SETBP1: variants seen among roughly 807,000 people sequenced by gnomAD.
SETBP1 encodes the protein SET-binding protein.
A neutral mutation model predicts 101.0 loss-of-function variants in SETBP1; 9 were observed. The ratio of observed to expected loss-of-function variants is 0.09; its 90% CI spans 0.05 to 0.16. SETBP1 has a LOEUF of 0.16. SETBP1 is among the 10% of genes least tolerant of loss of function. SETBP1 has a pLI of 1.00. For missense variants in SETBP1, 1,858 were observed against 2,033.8 expected (o/e 0.91, Z 1.66); for synonymous variants, 818 against 788.5 (o/e 1.04, Z -0.63).
At chr18:44,856,971 T>A (rs1306799102) in intron 2 of SETBP1, among the ~76,000 whole-genome samples, 1 of 152,236 alleles carries the variant, frequency 6.6e-6, no homozygotes, top group Non-Finnish European at 1.5e-5. Context: ...CCCTCACCTC[T>A]ACTTTCTAGA....
chr18:44,785,410 T>C (rs2071220411), intron 2 of SETBP1, among the ~76,000 whole-genome samples: 1 of 152,180 alleles, frequency 6.6e-6, no homozygotes, highest in Non-Finnish European at 1.5e-5. Flanking sequence ...ATTAGAACTT[T>C]TGGAGGGATG....
At chr18:44,723,224 TTCCTTTTATATGAGACAAAC>T (rs1332349356) in intron 2 of SETBP1, among the ~76,000 whole-genome samples, 1 of 152,210 alleles carries the variant, frequency 6.6e-6, no homozygotes, top group Non-Finnish European at 1.5e-5. Context: ...TTCCTCTCAC[TTCCTTTTATATGAGACAAAC>T]TCTGCCTATA....
intron 4 of SETBP1, among the ~76,000 whole-genome samples, chr18:44,983,293 T>G (rs1408472470): frequency 6.6e-6 from 1 of 152,230 alleles, no homozygotes; most frequent in Non-Finnish European, 1.5e-5. Context: ...TTTTCTGTTA[T>G]GGTCAAGTTC....
chr18:44,994,817 A>C (rs2072455610), intron 4 of SETBP1, among the ~76,000 whole-genome samples: 1 of 152,242 alleles, frequency 6.6e-6, no homozygotes, highest in Non-Finnish European at 1.5e-5. Context: ...ATGAAAAAAC[A>C]TACTATTCAG....
At chr18:44,906,898 T>TA (rs1368760296) in intron 3 of SETBP1, among the ~76,000 whole-genome samples, 2 of 152,240 alleles carry the variant, frequency 1.3e-5, no homozygotes, top group Non-Finnish European at 2.9e-5. Flanking sequence ...ATTCATCTTT[T>TA]AAAAAGATAC....
chr18:45,005,294 G>A (rs1236453297), intron 4 of SETBP1, among the ~76,000 whole-genome samples: 2 of 152,184 alleles, frequency 1.3e-5, no homozygotes, highest in Admixed American at 1.3e-4. Flanking sequence ...AGTGAAAGGA[G>A]ATACAGTCAT....
chr18:44,815,970 C>A (rs2071966114), intron 2 of SETBP1, among the ~76,000 whole-genome samples: 1 of 152,154 alleles, frequency 6.6e-6, no homozygotes, highest in African/African-American at 2.4e-5. Flanking sequence ...ATGAATGAGT[C>A]CTCTGTGACA....
At chr18:44,968,473 C>T (rs1373756141) in intron 4 of SETBP1, among the ~76,000 whole-genome samples, 2 of 152,098 alleles carry the variant, frequency 1.3e-5, no homozygotes, top group Non-Finnish European at 2.9e-5. Context: ...TGTGGACGAC[C>T]TGGGGGGAAG....
intron 2 of SETBP1, among the ~76,000 whole-genome samples, chr18:44,735,443 T>C (rs1341043895): frequency 2.0e-5 from 3 of 152,198 alleles, no homozygotes; most frequent in Non-Finnish European, 2.9e-5. Context: ...CTAGGTTCTT[T>C]GATTCTATTA....
intron 2 of SETBP1, among the ~76,000 whole-genome samples, chr18:44,759,373 A>G (rs935066961): frequency 6.6e-6 from 1 of 152,164 alleles, no homozygotes; most frequent in Non-Finnish European, 1.5e-5. Context: ...TCAACATGTA[A>G]AGCATAATCC....
intron 2 of SETBP1, among the ~76,000 whole-genome samples, chr18:44,785,192 C>G (rs2071214392): frequency 6.6e-6 from 1 of 152,124 alleles, no homozygotes; most frequent in Non-Finnish European, 1.5e-5. Context: ...TAAACAGTGA[C>G]AGGTGACAGG....
At chr18:44,847,839 T>C (rs1016301160) in intron 2 of SETBP1, among the ~76,000 whole-genome samples, 1 of 152,142 alleles carries the variant, frequency 6.6e-6, no homozygotes, top group Admixed American at 6.5e-5. Flanking sequence ...CAAGCTGATT[T>C]GGAGATTCTA....
At chr18:44,970,989 G>C (rs1486694739) in intron 4 of SETBP1, among the ~76,000 whole-genome samples, 1 of 151,872 alleles carries the variant, frequency 6.6e-6, no homozygotes, top group Non-Finnish European at 1.5e-5. Context: ...TTTAACATTA[G>C]GTATATCTCC....
At chr18:44,726,632 T>C (rs557717410) in intron 2 of SETBP1, among the ~76,000 whole-genome samples, 1 of 152,350 alleles carries the variant, frequency 6.6e-6, no homozygotes, top group South Asian at 2.1e-4. Flanking sequence ...TTAGAAGTCA[T>C]AAACTGTAAT....
At chr18:45,035,547 G>A (rs1350761878) in intron 4 of SETBP1, among the ~76,000 whole-genome samples, 1 of 152,222 alleles carries the variant, frequency 6.6e-6, no homozygotes, top group Non-Finnish European at 1.5e-5. Flanking sequence ...TGGATTGTGA[G>A]CATTTGCATA....
At chr18:44,961,937 A>G (rs1445189283) in intron 4 of SETBP1, among the ~76,000 whole-genome samples, 1 of 152,226 alleles carries the variant, frequency 6.6e-6, no homozygotes, top group East Asian at 1.9e-4. Context: ...CCTAACTGTC[A>G]GTCTTACAGA....
At chr18:44,775,023 C>T (rs893939593) in intron 2 of SETBP1, among the ~76,000 whole-genome samples, 6 of 150,442 alleles carry the variant, frequency 4.0e-5, no homozygotes, top group African/African-American at 1.2e-4. Context: ...TTTTAACTTT[C>T]TTGAAAATGC....
chr18:45,017,831 C>T lies in SETBP1; in HGVS notation c.4001-20654C>T, dbSNP rs564053150. ...ACTGCGTCCCTACCTCACTTTAGCA[C>T]GTTCCCTAATGGGGCCTTCACAGTC... On this transcript the variant is annotated intron_variant, in intron 4 of 5. Transcript: ENST00000649279. 4.6e-5 allele frequency among the ~76,000 whole-genome samples: 7 copies of T among 152,338 alleles called. No individual in the cohort carries two copies. In the East Asian group the frequency reaches 9.7e-4, roughly 21 times the overall value.
intron 2 of SETBP1, among the ~76,000 whole-genome samples, chr18:44,848,878 C>T (rs2072787285): frequency 6.6e-6 from 1 of 152,208 alleles, no homozygotes; most frequent in African/African-American, 2.4e-5. Flanking sequence ...TGGCTCTAGT[C>T]ATATTGAAGT....
Sources: allele counts gnomAD v4.1 joint callset (sites outside exome capture counted in the v4.1 genomes callset), GRCh38; gene constraint gnomAD v4.1.1; transcripts MANE v1.5; gene names NCBI Gene and HGNC (gene_info 2026-07-23, HGNC 2026-07-21).